Variants in INPP4B observed in about 807,000 individuals in gnomAD.
The protein encoded by INPP4B is inositol polyphosphate-4-phosphatase type II B.
Under a neutral mutation model 122.5 loss-of-function variants are expected in INPP4B, and 55 were observed. The ratio of observed to expected loss-of-function variants is 0.45; its 90% CI spans 0.36 to 0.56. INPP4B has a LOEUF of 0.56. INPP4B is among the 20% of genes least tolerant of loss of function. The probability of loss-of-function intolerance (pLI) is 0.00; values close to 1 mark genes in which losing one functional copy is unlikely to be tolerated. For synonymous variants in INPP4B, 403 were observed against 388.7 expected, an observed-to-expected ratio of 1.04 and a Z score of -0.43; for missense variants, 1,000 against 1,097.7, an observed-to-expected ratio of 0.91 and a Z score of 1.26.
At chr4:142,697,059 C>T (rs1183742956) in intron 2 of INPP4B, among the ~76,000 whole-genome samples, 1 of 152,100 alleles carries the variant, frequency 6.6e-6, no homozygotes, top group East Asian at 1.9e-4. Flanking sequence ...CCCAATGATG[C>T]ATTTTTAAAA....
At chr4:142,376,030 G>C (rs904064423) in intron 7 of INPP4B, among the ~76,000 whole-genome samples, 3 of 151,844 alleles carry the variant, frequency 2.0e-5, no homozygotes, top group African/African-American at 7.3e-5. Flanking sequence ...TCCATCTGCA[G>C]GTCAAATTTA....
At chr4:142,372,671 C>CT (rs1477395896) in intron 7 of INPP4B, among the ~76,000 whole-genome samples, 4 of 152,042 alleles carry the variant, frequency 2.6e-5, no homozygotes, top group Non-Finnish European at 5.9e-5. Context: ...TCCAGTACGA[C>CT]TTCTGACAGC....
At chr4:142,032,958 C>T (rs1741302546) in intron 25 of INPP4B, among the ~76,000 whole-genome samples, 1 of 151,424 alleles carries the variant, frequency 6.6e-6, no homozygotes, top group Non-Finnish European at 1.5e-5. Context: ...AGAAAAGACT[C>T]ACAGATTCTG....
chr4:142,472,369 T>A (rs1243750822), intron 2 of INPP4B, among the ~76,000 whole-genome samples: 1 of 151,992 alleles, frequency 6.6e-6, no homozygotes, highest in East Asian at 1.9e-4. Context: ...ATCTGCTATT[T>A]CAATTACCTT....
At chr4:142,528,656 G>A (rs1159375530) in intron 2 of INPP4B, among the ~76,000 whole-genome samples, 1 of 152,046 alleles carries the variant, frequency 6.6e-6, no homozygotes, top group African/African-American at 2.4e-5. Flanking sequence ...AATTACACAA[G>A]ATCATGAACC....
At chr4:142,119,123 G>T (rs1021921406) in intron 21 of INPP4B, among the ~76,000 whole-genome samples, 1 of 152,068 alleles carries the variant, frequency 6.6e-6, no homozygotes, top group South Asian at 2.1e-4. Flanking sequence ...TTAGAATGGC[G>T]ATCATTAAAA....
chr4:142,366,630 G>C (rs972042692), intron 7 of INPP4B, among the ~76,000 whole-genome samples: 1 of 152,058 alleles, frequency 6.6e-6, no homozygotes, highest in South Asian at 2.1e-4. Flanking sequence ...AAAAATAGGA[G>C]GATTCAGTGT....
chr4:142,176,504 T>G (rs1828351335), intron 15 of INPP4B, among the ~76,000 whole-genome samples: 1 of 152,190 alleles, frequency 6.6e-6, no homozygotes, highest in Non-Finnish European at 1.5e-5. Flanking sequence ...TTTTCCTGAA[T>G]ATTACTACTT....
chr4:142,459,176 G>A (rs1816177116), intron 3 of INPP4B, among the ~76,000 whole-genome samples: 1 of 151,954 alleles, frequency 6.6e-6, no homozygotes, highest in African/African-American at 2.4e-5. Flanking sequence ...GTAGAGTAGA[G>A]GATAGAAGGA....
chr4:142,763,667 G>A lies in INPP4B; in HGVS notation c.-253-37766C>T, dbSNP rs188434924. Among the ~76,000 whole-genome samples the A allele has an allele frequency of 2.0e-5, 3 of 152,154 alleles. No individual in the cohort carries two copies. The East Asian group carries it at 5.8e-4, about 29-fold the overall frequency. ...AAAGAACAAATAAATAATATCATAA[G>A]GAAGTAGGAAACTAGTAACCACCAG... On this transcript the variant is annotated intron_variant, in intron 1 of 25. Coordinates refer to ENST00000262992, the MANE Select transcript of INPP4B (RefSeq NM_001101669.3).
intron 2 of INPP4B, among the ~76,000 whole-genome samples, chr4:142,696,644 TGCCTTG>T (rs1288531382): frequency 6.6e-6 from 1 of 152,148 alleles, no homozygotes. Flanking sequence ...TGCGTCCCTC[TGCCTTG>T]CCATCAGCTA....
Position 142,314,766 on chromosome 4 carries a change from T to C in INPP4B, c.373-4A>G, listed in dbSNP as rs754920059. On this transcript the variant is annotated splice_region_variant and splice_polypyrimidine_tract_variant and intron_variant, in intron 7 of 25. Coordinates refer to ENST00000262992, the MANE Select transcript of INPP4B (RefSeq NM_001101669.3). ...CTGGTAGGACACTGGTTCGAACCTG[T>C]GGAGAAAAACATTTTCTGTAAGACT... 1 of 1,593,740 alleles carries C rather than the reference T, an allele frequency of 6.3e-7. No individual in the cohort carries two copies. The highest frequency in any genetic ancestry group is 1.2e-5 in the South Asian group (1 of 85,668).
At chr4:142,401,980 G>A (rs1801763989) in intron 7 of INPP4B, among the ~76,000 whole-genome samples, 1 of 152,144 alleles carries the variant, frequency 6.6e-6, no homozygotes, top group African/African-American at 2.4e-5. Context: ...TAAGTTTTGT[G>A]GTAAAGAATG....
chr4:142,841,983 TGATA>T (rs771314062), intron 1 of INPP4B, among the ~76,000 whole-genome samples: 1 of 151,836 alleles, frequency 6.6e-6, no homozygotes, highest in Non-Finnish European at 1.5e-5. Context: ...ATAGATAGAT[TGATA>T]GATAGATCGA....
intron 11 of INPP4B, among the ~76,000 whole-genome samples, chr4:142,255,760 C>T (rs544440660): frequency 6.6e-6 from 1 of 152,204 alleles, no homozygotes; most frequent in Admixed American, 6.5e-5. Context: ...TAATGGGAGA[C>T]TTTAACTCCC....
chr4:142,743,769 G>A (rs546754055), intron 1 of INPP4B, among the ~76,000 whole-genome samples: 7 of 152,076 alleles, frequency 4.6e-5, no homozygotes, highest in African/African-American at 1.2e-4. Flanking sequence ...CAGAGATTAA[G>A]TGAAACAGTT....
At chr4:142,521,736 A>C (rs6836996) in intron 2 of INPP4B, among the ~76,000 whole-genome samples, 7,395 of 152,186 alleles carry the variant, frequency 0.049, 577 homozygotes, top group African/African-American at 0.16. Flanking sequence ...ATAATACATA[A>C]GATTTCTGTG....
chr4:142,095,193 G>A (rs1781300064), intron 23 of INPP4B, among the ~76,000 whole-genome samples: 1 of 152,050 alleles, frequency 6.6e-6, no homozygotes, highest in African/African-American at 2.4e-5. Flanking sequence ...CTGACATTCT[G>A]TGATGCAGAA....
At chr4:142,543,893 C>A (rs1829228602) in intron 2 of INPP4B, among the ~76,000 whole-genome samples, 2 of 152,024 alleles carry the variant, frequency 1.3e-5, no homozygotes, top group East Asian at 3.9e-4. Flanking sequence ...AAAGTAAGTA[C>A]AGGAATGTCC....
Sources: allele counts gnomAD v4.1 joint callset (sites outside exome capture counted in the v4.1 genomes callset), GRCh38; gene constraint gnomAD v4.1.1; transcripts MANE v1.5; gene names NCBI Gene and HGNC (gene_info 2026-07-23, HGNC 2026-07-21).